The following MYO18B variants were observed in gnomAD, a reference collection of about 807,000 sequenced individuals.
The protein encoded by MYO18B is unconventional myosin-XVIIIb.
A neutral mutation model predicts 273.0 loss-of-function variants in MYO18B; 204 were observed. The ratio of observed to expected loss-of-function variants is 0.75; its 90% CI spans 0.67 to 0.84. MYO18B has a LOEUF of 0.84. Among genes scored for constraint, MYO18B ranks in the 40% least tolerant of loss-of-function variants. MYO18B has a pLI of 0.00. For synonymous variants in MYO18B, 1,330 were observed against 1,305.7 expected (o/e 1.02, Z -0.40); for missense variants, 3,212 against 3,287.6 (o/e 0.98, Z 0.56).
chr22:25,964,258 G>C lies in MYO18B; in HGVS notation c.6156+8894G>C, dbSNP rs114758199. On this transcript the variant is annotated intron_variant, in intron 39 of 43. Coordinates refer to ENST00000335473, the MANE Select transcript of MYO18B (RefSeq NM_032608.7). ...AACAGGGTGACAGATGTTACAGCTA[G>C]ATCGCCCTCACATCCGAATCCCCTA... The C allele has an allele frequency of 4.0e-3, 609 of 152,386 alleles. 3 individuals carry two copies. The highest frequency in any genetic ancestry group is 0.013 in the African/African-American group (548 of 41,548). The allele number at this position is 152,386 out of a possible 1,614,324, so 9.4% of individuals were successfully genotyped here.
At chr22:25,832,488 T>G (rs1307522509) in intron 15 of MYO18B, among the ~76,000 whole-genome samples, 1 of 152,180 alleles carries the variant, frequency 6.6e-6, no homozygotes, top group Non-Finnish European at 1.5e-5. Context: ...GGATGAACCC[T>G]GAGGACATTA....
chr22:25,800,958 C>T (rs1175068283), intron 12 of MYO18B, among the ~76,000 whole-genome samples: 3 of 152,226 alleles, frequency 2.0e-5, no homozygotes, highest in Admixed American at 6.5e-5. Flanking sequence ...GAAGAGCTGC[C>T]GTCAGTCTGC....
intron 12 of MYO18B, among the ~76,000 whole-genome samples, chr22:25,806,479 A>G (rs1269951854): frequency 6.6e-6 from 1 of 152,118 alleles, no homozygotes; most frequent in Non-Finnish European, 1.5e-5. Flanking sequence ...TAGTATCCAC[A>G]CTTCCTTTCT....
downstream of MYO18B, chr22:26,031,070 G>T (rs1484500430): frequency 1.5e-5 from 6 of 396,776 alleles, no homozygotes; most frequent in Non-Finnish European, 2.7e-5. Context: ...TGATATATAT[G>T]CATCCTACAA....
At chr22:25,800,274 A>C (rs1230931496) in intron 12 of MYO18B, among the ~76,000 whole-genome samples, 4 of 152,164 alleles carry the variant, frequency 2.6e-5, no homozygotes, top group Non-Finnish European at 5.9e-5. Flanking sequence ...AAATCTGATC[A>C]ATCACCACTA....
intron 21 of MYO18B, among the ~76,000 whole-genome samples, chr22:25,867,016 A>C (rs1335594977): frequency 6.6e-6 from 1 of 152,156 alleles, no homozygotes; most frequent in African/African-American, 2.4e-5. Context: ...ACTGTTCAAG[A>C]CATAGCTGTG....
chr22:25,878,923 G>A (rs1009735929), intron 25 of MYO18B, among the ~76,000 whole-genome samples: 2 of 152,206 alleles, frequency 1.3e-5, no homozygotes, highest in African/African-American at 4.8e-5. Flanking sequence ...GAAAATACAA[G>A]AAGTTCATAG....
intron 1 of MYO18B, among the ~76,000 whole-genome samples, chr22:25,758,360 C>T (rs368157811): frequency 4.7e-5 from 7 of 148,004 alleles, no homozygotes; most frequent in African/African-American, 1.5e-4. Flanking sequence ...TATTATACTA[C>T]CCAGCAGTTT....
chr22:25,957,610 A>G (rs1376982399), intron 39 of MYO18B, among the ~76,000 whole-genome samples: 2 of 152,214 alleles, frequency 1.3e-5, no homozygotes, highest in South Asian at 2.1e-4. Context: ...TCATTCTCTC[A>G]TAGTTCTGGA....
rs772181597 is a variant in MYO18B, at chr22:25,851,570, TGAAAG to T, written c.3880_3884del (p.Arg1294GlyfsTer34). 3.1e-5 allele frequency: 48 copies of T among 1,554,638 alleles called. No homozygotes were observed. Among genetic ancestry groups the T allele is most frequent in the Non-Finnish European group, 4.1e-5 (47 of 1,148,474 alleles). On this transcript the variant is annotated frameshift_variant, in exon 21 of 44. Transcript: ENST00000335473. LOFTEE classifies it high-confidence loss of function. ...TCATGTCGACCTCCGAGGGAATAGATGAAAGGAAGGTAGGTGGAGCACATGCGAGA... is the reference window on the plus strand; with the variant it reads ...TCATGTCGACCTCCGAGGGAATAGATGAAGGTAGGTGGAGCACATGCGAGA...
intron 1 of MYO18B, among the ~76,000 whole-genome samples, chr22:25,748,962 G>C (rs1351305580): frequency 6.6e-6 from 1 of 152,152 alleles, no homozygotes. Flanking sequence ...AGTCTCTTTT[G>C]TCCATTTAGC....
intron 39 of MYO18B, among the ~76,000 whole-genome samples, chr22:25,986,551 C>G (rs2093204554): frequency 6.6e-6 from 1 of 152,098 alleles, no homozygotes; most frequent in South Asian, 2.1e-4. Context: ...AGCAGACTGC[C>G]TGTGTATGCA....
At chr22:25,915,046 T>TA (rs1012635545) in intron 33 of MYO18B, among the ~76,000 whole-genome samples, 19 of 148,280 alleles carry the variant, frequency 1.3e-4, no homozygotes, top group East Asian at 3.9e-4. Context: ...TCAACAAATT[T>TA]AAAAAAAAAA....
At chr22:25,939,078 A>G (rs2092614042) in intron 34 of MYO18B, among the ~76,000 whole-genome samples, 1 of 152,160 alleles carries the variant, frequency 6.6e-6, no homozygotes, top group East Asian at 1.9e-4. Context: ...GCCTCACAAC[A>G]TGCTAGGATT....
At chr22:26,048,165 T>TTTTTG in the MYO18B span, among the ~76,000 whole-genome samples, 7 of 152,322 alleles carry the variant, frequency 4.6e-5, no homozygotes, top group East Asian at 7.7e-4. Flanking sequence ...TCTGCGCGTT[T>TTTTTG]TTTTGTTTTG....
chr22:25,932,511 C>T (rs142977967), intron 34 of MYO18B, among the ~76,000 whole-genome samples: 82 of 151,050 alleles, frequency 5.4e-4, no homozygotes, highest in African/African-American at 1.9e-3. Flanking sequence ...TGGGTTCAAG[C>T]GATTCCGCTG....
intron 34 of MYO18B, among the ~76,000 whole-genome samples, chr22:25,928,180 G>A (rs926590788): frequency 1.3e-5 from 2 of 152,060 alleles, no homozygotes; most frequent in Non-Finnish European, 2.9e-5. Context: ...ATGGTTTAGT[G>A]AGCTTGGCTG....
chr22:25,800,014 A>G (rs935030042), intron 12 of MYO18B, among the ~76,000 whole-genome samples: 3 of 152,140 alleles, frequency 2.0e-5, no homozygotes, highest in African/African-American at 4.8e-5. Flanking sequence ...AGCCATAAAG[A>G]TGAGATGAAA....
intron 34 of MYO18B, among the ~76,000 whole-genome samples, chr22:25,936,131 G>A (rs1370314721): frequency 6.6e-6 from 1 of 152,236 alleles, no homozygotes; most frequent in Non-Finnish European, 1.5e-5. Flanking sequence ...GAGCAAAGGG[G>A]TGCTGGAATA....
Sources: gnomAD v4.1 joint callset for allele counts (sites outside exome capture counted in the v4.1 genomes callset) on GRCh38, gnomAD v4.1.1 for gene constraint, MANE v1.5 for transcripts, NCBI Gene and HGNC (gene_info 2026-07-23, HGNC 2026-07-21) for gene names.